The following NKAIN2 variants were observed in gnomAD, a reference collection of about 807,000 sequenced individuals.
The protein encoded by NKAIN2 is sodium/potassium transporting ATPase interacting 2, also known as sodium/potassium-transporting ATPase subunit beta-1-interacting protein 2.
Under a neutral mutation model 32.6 loss-of-function variants are expected in NKAIN2, and 14 were observed. The observed-to-expected ratio is 0.43, with a 90% confidence interval of 0.28 to 0.67. The LOEUF is 0.67. NKAIN2 is among the 30% of genes least tolerant of loss of function. NKAIN2 has a pLI of 0.17. For missense variants in NKAIN2, 198 were observed against 258.3 expected (o/e 0.77, Z 1.60); for synonymous variants, 80 against 87.2 (o/e 0.92, Z 0.46).
intron 3 of NKAIN2, among the ~76,000 whole-genome samples, chr6:124,603,747 A>C (rs2114985406): frequency 6.6e-6 from 1 of 152,046 alleles, no homozygotes; most frequent in East Asian, 1.9e-4. Flanking sequence ...GAAAGTGGGA[A>C]ATAGGGCTAA....
intron 4 of NKAIN2, among the ~76,000 whole-genome samples, chr6:124,703,851 C>A (rs1440191958): frequency 6.6e-6 from 1 of 151,658 alleles, no homozygotes; most frequent in African/African-American, 2.4e-5. Flanking sequence ...CTGGAATATG[C>A]CAGCAGAGAT....
intron 1 of NKAIN2, among the ~76,000 whole-genome samples, chr6:124,134,856 G>T (rs1209780717): frequency 2.0e-5 from 3 of 152,114 alleles, no homozygotes; most frequent in African/African-American, 4.8e-5. Context: ...GTTATCTAAA[G>T]TCAAGATGAA....
chr6:124,757,492 A>C (rs1222707369), intron 4 of NKAIN2, among the ~76,000 whole-genome samples: 1 of 152,208 alleles, frequency 6.6e-6, no homozygotes, highest in African/African-American at 2.4e-5. Flanking sequence ...ATGATCAGAT[A>C]TCAAACCAGA....
chr6:124,653,444 CAAAAAAAA>C (rs35842873), intron 3 of NKAIN2, among the ~76,000 whole-genome samples: 61 of 79,704 alleles, frequency 7.7e-4, no homozygotes, highest in African/African-American at 3.0e-3. Flanking sequence ...CATCCACATG[CAAAAAAAA>C]AAAAAAAAAA....
chr6:124,305,971 T>C (rs759974643), intron 2 of NKAIN2, among the ~76,000 whole-genome samples: 2 of 152,100 alleles, frequency 1.3e-5, no homozygotes, highest in Non-Finnish European at 2.9e-5. Context: ...ATTTAATTTC[T>C]CCCAATTGTC....
intron 1 of NKAIN2, among the ~76,000 whole-genome samples, chr6:124,238,289 C>A (rs802299): frequency 0.69 from 104,622 of 151,904 alleles, 36,162 homozygotes; most frequent in South Asian, 0.76. Context: ...ATAAAAGAAA[C>A]ATTAAAAATA....
intron 2 of NKAIN2, among the ~76,000 whole-genome samples, chr6:124,316,867 T>G (rs917864576): frequency 9.9e-5 from 15 of 152,160 alleles, no homozygotes; most frequent in African/African-American, 3.6e-4. Flanking sequence ...ATTCAGCACC[T>G]TCTGGATTCA....
chr6:124,723,392 T>A (rs982468635), intron 4 of NKAIN2, among the ~76,000 whole-genome samples: 1 of 151,678 alleles, frequency 6.6e-6, no homozygotes, highest in African/African-American at 2.4e-5. Context: ...ATCACATATA[T>A]AATGATATCT....
chr6:124,590,505 G>A (rs554379179), intron 3 of NKAIN2, among the ~76,000 whole-genome samples: 20 of 152,276 alleles, frequency 1.3e-4, no homozygotes, highest in Middle Eastern at 3.4e-3. Context: ...GGGATGTGGC[G>A]TTGAAACGGG....
chr6:124,604,634 TAATAA>T (rs1459471324), intron 3 of NKAIN2, among the ~76,000 whole-genome samples: 1 of 151,626 alleles, frequency 6.6e-6, no homozygotes, highest in African/African-American at 2.4e-5. Context: ...TATTAATATT[TAATAA>T]AATTAATAAA....
intron 1 of NKAIN2, among the ~76,000 whole-genome samples, chr6:123,899,991 A>G (rs533413127): frequency 7.2e-5 from 11 of 152,274 alleles, no homozygotes; most frequent in Admixed American, 2.0e-4. Context: ...CGACCTGCTT[A>G]GCGAGGCTGG....
In NKAIN2 at chr6:124,012,526, G is replaced by T. The variant is rs538130439; in HGVS notation, c.54+208272G>T. On this transcript the variant is annotated intron_variant, in intron 1 of 6. Coordinates refer to ENST00000368417, the MANE Select transcript of NKAIN2 (RefSeq NM_001040214.3). The stretch of plus-strand genomic sequence containing the variant: ...AATTTTTGTATTTTTAGTAGAGACG[G>T]GGTTTCACCATATTGGCCAGACTGG... Among the ~76,000 whole-genome samples, 880 of 151,932 alleles carry T rather than the reference G, an allele frequency of 5.8e-3. 2 individuals carry two copies. The highest frequency in any genetic ancestry group is 9.1e-3 in the Non-Finnish European group (621 of 67,962).
intron 1 of NKAIN2, among the ~76,000 whole-genome samples, chr6:124,168,790 C>T (rs1788700590): frequency 6.6e-6 from 1 of 151,932 alleles, no homozygotes; most frequent in Admixed American, 6.6e-5. Context: ...AAGAACAATT[C>T]CTTTGGTTGA....
chr6:124,163,969 G>A (rs1788402598), intron 1 of NKAIN2, among the ~76,000 whole-genome samples: 1 of 152,000 alleles, frequency 6.6e-6, no homozygotes, highest in South Asian at 2.1e-4. Context: ...GTCATTTGAA[G>A]TGAACTGAGT....
chr6:123,971,292 TATCTTTCACAA>T (rs1778330481), intron 1 of NKAIN2, among the ~76,000 whole-genome samples: 1 of 152,008 alleles, frequency 6.6e-6, no homozygotes, highest in South Asian at 2.1e-4. Context: ...AAAAGTCAAA[TATCTTTCACAA>T]GTAACATTTG....
Position 124,650,313 on chromosome 6 carries a change from G to A in NKAIN2, c.274-7873G>A, listed in dbSNP as rs187311041. On this transcript the variant is annotated intron_variant, in intron 3 of 6. Coordinates refer to ENST00000368417, the MANE Select transcript of NKAIN2 (RefSeq NM_001040214.3). ...TTACAGCAAAGTTTCAGGGTACAAG[G>A]TTAATATGCAAAAGCCAATTGGTTT... Among the ~76,000 whole-genome samples the A allele has an allele frequency of 9.9e-5, 15 of 152,224 alleles. No individual in the cohort carries two copies. In the East Asian group the frequency reaches 2.3e-3, roughly 24 times the overall value.
chr6:123,858,659 G>T (rs1775657565), intron 1 of NKAIN2, among the ~76,000 whole-genome samples: 1 of 152,154 alleles, frequency 6.6e-6, no homozygotes, highest in South Asian at 2.1e-4. Flanking sequence ...ATGGACTTCA[G>T]GTCAGACTGT....
intron 3 of NKAIN2, among the ~76,000 whole-genome samples, chr6:124,492,529 T>C (rs758829372): frequency 4.6e-5 from 7 of 152,026 alleles, no homozygotes; most frequent in Admixed American, 1.3e-4. Flanking sequence ...TCTTAGATAA[T>C]GGTTTTATTA....
intron 1 of NKAIN2, among the ~76,000 whole-genome samples, chr6:123,834,802 T>C (rs1262417397): frequency 6.6e-6 from 1 of 152,212 alleles, no homozygotes; most frequent in Non-Finnish European, 1.5e-5. Flanking sequence ...CAGATGCTTT[T>C]TTTTTGCGTG....
Sources: allele counts gnomAD v4.1 joint callset (sites outside exome capture counted in the v4.1 genomes callset), GRCh38; gene constraint gnomAD v4.1.1; transcripts MANE v1.5; gene names NCBI Gene and HGNC (gene_info 2026-07-23, HGNC 2026-07-21).